Variants in PPARGC1A observed in about 807,000 individuals in gnomAD.
PPARGC1A encodes PPARG coactivator 1 alpha.
A neutral mutation model predicts 88.7 loss-of-function variants in PPARGC1A; 25 were observed. The ratio of observed to expected loss-of-function variants is 0.28; its 90% CI spans 0.21 to 0.39. The LOEUF (loss-of-function observed/expected upper bound fraction) is 0.39. Among genes scored for constraint, PPARGC1A ranks in the 10% least tolerant of loss-of-function variants. PPARGC1A has a pLI of 1.00. For synonymous variants in PPARGC1A, 363 were observed against 355.6 expected (o/e 1.02, Z -0.24); for missense variants, 880 against 968.7 (o/e 0.91, Z 1.22).
the PPARGC1A span, among the ~76,000 whole-genome samples, chr4:24,105,593 T>C: frequency 6.6e-6 from 1 of 152,172 alleles, no homozygotes; most frequent in Admixed American, 6.5e-5. Context: ...AACTCTGCAT[T>C]CTCATAAGCT....
At chr4:24,229,171 T>TTTTTTTTTTTTTTTTTTTTTTTGTTTG in the PPARGC1A span, among the ~76,000 whole-genome samples, 1 of 142,228 alleles carries the variant, frequency 7.0e-6, no homozygotes. Context: ...TTTTTTTTTT[T>TTTTTTTTTTTTTTTTTTTTTTTGTTTG]GAGATGGAGT....
chr4:24,254,075 C>T, the PPARGC1A span, among the ~76,000 whole-genome samples: 1 of 152,112 alleles, frequency 6.6e-6, no homozygotes, highest in East Asian at 1.9e-4. Flanking sequence ...AACCATAAGT[C>T]TACTTATTTG....
At chr4:24,199,420 A>G in the PPARGC1A span, among the ~76,000 whole-genome samples, 3 of 152,160 alleles carry the variant, frequency 2.0e-5, no homozygotes, top group Non-Finnish European at 4.4e-5. Flanking sequence ...TGAGATCTGT[A>G]CAGAGAACTA....
chr4:24,051,351 A>C, the PPARGC1A span, among the ~76,000 whole-genome samples: 1 of 152,210 alleles, frequency 6.6e-6, no homozygotes, highest in East Asian at 1.9e-4. Context: ...GAGAGAAATG[A>C]AACACATTTT....
At chr4:24,077,627 GTGTGTGT>G in the PPARGC1A span, among the ~76,000 whole-genome samples, 1 of 22,170 alleles carries the variant, frequency 4.5e-5, no homozygotes, top group Non-Finnish European at 7.6e-5. Flanking sequence ...GTCTAGGGGT[GTGTGTGT>G]GTGTGTGTGT....
the PPARGC1A span, among the ~76,000 whole-genome samples, chr4:24,262,750 T>C: frequency 5.6e-3 from 857 of 152,212 alleles, 53 homozygotes; most frequent in East Asian, 0.14. Flanking sequence ...TTTTAGTGGA[T>C]GAAAGGATAG....
At chr4:24,243,948 T>C in the PPARGC1A span, among the ~76,000 whole-genome samples, 1 of 152,206 alleles carries the variant, frequency 6.6e-6, no homozygotes, top group Admixed American at 6.5e-5. Context: ...ACAGGATAGA[T>C]TTGGCATCTG....
the PPARGC1A span, among the ~76,000 whole-genome samples, chr4:24,437,344 G>A: frequency 1.3e-3 from 203 of 152,302 alleles, no homozygotes; most frequent in Non-Finnish European, 2.6e-3. Context: ...TCAGGGAGGT[G>A]CTCTCCAAGG....
At chr4:24,315,022 T>TAAA in the PPARGC1A span, among the ~76,000 whole-genome samples, 4 of 131,510 alleles carry the variant, frequency 3.0e-5, no homozygotes, top group Admixed American at 7.7e-5. Context: ...ATACAGACCT[T>TAAA]AAAAAAAAAA....
At chr4:24,372,011 C>G in the PPARGC1A span, among the ~76,000 whole-genome samples, 1 of 152,002 alleles carries the variant, frequency 6.6e-6, no homozygotes, top group Non-Finnish European at 1.5e-5. Context: ...TCTGAAACTC[C>G]CTAGTGCTAC....
the PPARGC1A span, among the ~76,000 whole-genome samples, chr4:24,096,664 G>A: frequency 6.6e-6 from 1 of 152,204 alleles, no homozygotes; most frequent in Non-Finnish European, 1.5e-5. Context: ...TACGTCAGGA[G>A]TGTGGGCCTG....
chr4:23,920,438 C>T, the PPARGC1A span, among the ~76,000 whole-genome samples: 1 of 152,116 alleles, frequency 6.6e-6, no homozygotes, highest in African/African-American at 2.4e-5. Context: ...GTCAAAATTT[C>T]AATTTGTCAT....
the PPARGC1A span, among the ~76,000 whole-genome samples, chr4:24,171,417 T>G: frequency 6.6e-6 from 1 of 151,588 alleles, no homozygotes; most frequent in Admixed American, 6.6e-5. Flanking sequence ...AAAAAAAAAG[T>G]GTCCCGTGCC....
intron 2 of PPARGC1A, among the ~76,000 whole-genome samples, chr4:23,870,987 C>T (rs373071161): frequency 1.3e-5 from 2 of 149,612 alleles, no homozygotes; most frequent in South Asian, 2.1e-4. Context: ...AGGGAGGTCA[C>T]ACAGTCCTAT....
the PPARGC1A span, among the ~76,000 whole-genome samples, chr4:24,322,944 T>C: frequency 6.6e-6 from 1 of 152,162 alleles, no homozygotes; most frequent in African/African-American, 2.4e-5. Flanking sequence ...CATTGTATTA[T>C]CTACATTGTC....
chr4:24,212,006 G>A, the PPARGC1A span, among the ~76,000 whole-genome samples: 13 of 152,060 alleles, frequency 8.5e-5, no homozygotes, highest in Admixed American at 3.3e-4. Flanking sequence ...TCCCCAACAC[G>A]TCTTTCTACG....
chr4:24,006,681 A>G, the PPARGC1A span, among the ~76,000 whole-genome samples: 4 of 152,140 alleles, frequency 2.6e-5, no homozygotes, highest in Non-Finnish European at 5.9e-5. Context: ...TTCTCCTGCC[A>G]TATTGTAGCC....
chr4:24,002,750 T>C, the PPARGC1A span, among the ~76,000 whole-genome samples: 1 of 152,168 alleles, frequency 6.6e-6, no homozygotes, highest in East Asian at 1.9e-4. Flanking sequence ...ATGCACCTTG[T>C]AGTGTCCTTC....
chr4:24,117,331 A>C, the PPARGC1A span, among the ~76,000 whole-genome samples: 1 of 152,262 alleles, frequency 6.6e-6, no homozygotes, highest in African/African-American at 2.4e-5. Context: ...GTGACCATTA[A>C]GTGAAGGAAT....
Sources: gnomAD v4.1 joint callset for allele counts (sites outside exome capture counted in the v4.1 genomes callset) on GRCh38, gnomAD v4.1.1 for gene constraint, MANE v1.5 for transcripts, NCBI Gene and HGNC (gene_info 2026-07-23, HGNC 2026-07-21) for gene names.